The following DLG2 variants were observed in gnomAD, a reference collection of about 807,000 sequenced individuals.
DLG2 encodes the protein discs large MAGUK scaffold protein 2.
A neutral mutation model predicts 132.5 loss-of-function variants in DLG2; 45 were observed. The ratio of observed to expected loss-of-function variants is 0.34; its 90% CI spans 0.27 to 0.44. DLG2 has a LOEUF of 0.44. Ranked by LOEUF, DLG2 falls within the 20% of genes least tolerant of loss-of-function variation. DLG2 has a pLI of 1.00. For synonymous variants in DLG2, 424 were observed against 419.6 expected (o/e 1.01, Z -0.13); for missense variants, 1,045 against 1,196.9 (o/e 0.87, Z 1.87).
At chr11:84,714,574 TC>T (rs2060859705) in intron 6 of DLG2, among the ~76,000 whole-genome samples, 1 of 130,946 alleles carries the variant, frequency 7.6e-6, no homozygotes, top group Admixed American at 7.5e-5. Flanking sequence ...TTTCTCTTTC[TC>T]TTTCTCTTTC....
intron 19 of DLG2, among the ~76,000 whole-genome samples, chr11:83,593,752 T>C (rs2097235526): frequency 6.6e-6 from 1 of 151,680 alleles, no homozygotes; most frequent in Non-Finnish European, 1.5e-5. Context: ...AAGTATGAAG[T>C]TGATATTTGT....
At chr11:83,660,897 T>TC (rs2074090141) in intron 18 of DLG2, among the ~76,000 whole-genome samples, 1 of 151,898 alleles carries the variant, frequency 6.6e-6, no homozygotes, top group Non-Finnish European at 1.5e-5. Context: ...TTCTTCTGAC[T>TC]CCCCCCATAA....
At chr11:83,731,128 CT>C (rs1566739582) in intron 18 of DLG2, among the ~76,000 whole-genome samples, 1 of 152,260 alleles carries the variant, frequency 6.6e-6, no homozygotes, top group Non-Finnish European at 1.5e-5. Flanking sequence ...AGTTCTCTTT[CT>C]TTTTTTCTTT....
At chr11:84,203,657 T>C (rs1392163374) in intron 8 of DLG2, among the ~76,000 whole-genome samples, 1 of 148,026 alleles carries the variant, frequency 6.8e-6, no homozygotes, top group African/African-American at 2.5e-5. Flanking sequence ...GCCATTAACC[T>C]CAGCAGTCTA....
rs1026843441 is a variant in DLG2, at chr11:85,333,253, G to A, written c.41-47888C>T. On this transcript the variant is annotated intron_variant, in intron 3 of 27. Transcript: ENST00000376104. ...TTGGCTCTCAGCTTAGATGATAGTG[G>A]TATATAGAAATGCTACTAATTCCTG... Among the ~76,000 whole-genome samples the A allele has an allele frequency of 6.6e-5, 10 of 152,206 alleles. No homozygotes were observed. In the East Asian group the frequency reaches 1.9e-3, roughly 29 times the overall value.
chr11:85,158,531 A>G (rs2077766794), intron 4 of DLG2, among the ~76,000 whole-genome samples: 1 of 152,140 alleles, frequency 6.6e-6, no homozygotes, highest in Admixed American at 6.5e-5. Context: ...ATGCCTTACA[A>G]AATAGATTTG....
intron 4 of DLG2, among the ~76,000 whole-genome samples, chr11:85,157,486 C>A (rs192912508): frequency 6.6e-6 from 1 of 151,890 alleles, no homozygotes; most frequent in South Asian, 2.1e-4. Flanking sequence ...ATTCACCATT[C>A]GTGAGAGGCA....
intron 6 of DLG2, among the ~76,000 whole-genome samples, chr11:84,882,318 C>CA (rs141070055): frequency 0.081 from 12,160 of 150,492 alleles, 1,050 homozygotes; most frequent in African/African-American, 0.22. Flanking sequence ...AAACAAAAGG[C>CA]AAAAAAGAAA....
intron 11 of DLG2, among the ~76,000 whole-genome samples, chr11:84,058,506 CAATAATAAT>C (rs900276483): frequency 5.5e-5 from 7 of 128,160 alleles, no homozygotes; most frequent in South Asian, 2.3e-4. Context: ...AAAACAAATA[CAATAATAAT>C]AATAATAATA....
chr11:84,282,410 G>T (rs1294701842), intron 7 of DLG2, among the ~76,000 whole-genome samples: 2 of 152,112 alleles, frequency 1.3e-5, no homozygotes, highest in Admixed American at 6.5e-5. Flanking sequence ...AGTCTGGAGA[G>T]ATTACAAAAA....
chr11:84,149,520 T>C (rs2095219771), intron 9 of DLG2, among the ~76,000 whole-genome samples: 1 of 152,174 alleles, frequency 6.6e-6, no homozygotes, highest in African/African-American at 2.4e-5. Context: ...AATGATCAGA[T>C]GGCTTTAGGT....
At chr11:84,051,336 G>T (rs1464382570) in intron 11 of DLG2, among the ~76,000 whole-genome samples, 1 of 151,894 alleles carries the variant, frequency 6.6e-6, no homozygotes, top group East Asian at 1.9e-4. Context: ...TATGTTTATT[G>T]TGGCACTATT....
chr11:83,672,359 T>C (rs982170994), intron 18 of DLG2, among the ~76,000 whole-genome samples: 2 of 152,208 alleles, frequency 1.3e-5, no homozygotes, highest in African/African-American at 4.8e-5. Flanking sequence ...GTACTTTTAG[T>C]AGATACAGGG....
At chr11:85,569,454 C>T (rs1191911423) in intron 3 of DLG2, among the ~76,000 whole-genome samples, 1 of 152,112 alleles carries the variant, frequency 6.6e-6, no homozygotes, top group African/African-American at 2.4e-5. Flanking sequence ...TCTAATTTCA[C>T]TTGTAAATTC....
intron 19 of DLG2, among the ~76,000 whole-genome samples, chr11:83,548,927 G>A (rs1279164879): frequency 6.6e-6 from 1 of 152,068 alleles, no homozygotes; most frequent in Non-Finnish European, 1.5e-5. Context: ...AACATCAGGA[G>A]CTCCCAGACC....
chr11:84,622,914 T>G (rs765212324), intron 6 of DLG2, among the ~76,000 whole-genome samples: 1 of 152,134 alleles, frequency 6.6e-6, no homozygotes, highest in East Asian at 1.9e-4. Context: ...TGCTGGAGAT[T>G]TGAGAGATAA....
At chr11:84,500,604 CT>C (rs2099201330) in intron 7 of DLG2, among the ~76,000 whole-genome samples, 1 of 152,142 alleles carries the variant, frequency 6.6e-6, no homozygotes, top group South Asian at 2.1e-4. Flanking sequence ...CCTAAATTCA[CT>C]TTGCCTAAGG....
rs1017680570 is a variant in DLG2 at position 84,868,162 on chromosome 11, T to G, written c.357+243499A>C. On this transcript the variant is annotated intron_variant, in intron 6 of 27. Coordinates refer to ENST00000376104, the MANE Select transcript of DLG2 (RefSeq NM_001142699.3). ...TTTATTATTATATTTATTAATATAT[T>G]ATATTATTATTATTATTGTTATGGA... Among the ~76,000 whole-genome samples, 2 of 147,642 alleles carry G rather than the reference T, an allele frequency of 1.4e-5. 1 individual carries two copies. The highest frequency in any genetic ancestry group is 7.2e-3 in the Middle Eastern group (2 of 278).
chr11:84,587,166 T>C (rs1593028394), intron 6 of DLG2, among the ~76,000 whole-genome samples: 1 of 152,210 alleles, frequency 6.6e-6, no homozygotes, highest in Non-Finnish European at 1.5e-5. Flanking sequence ...CTTTCAGCTA[T>C]TGTGATTAGA....
Sources: allele counts gnomAD v4.1 joint callset (sites outside exome capture counted in the v4.1 genomes callset), GRCh38; gene constraint gnomAD v4.1.1; transcripts MANE v1.5; gene names NCBI Gene and HGNC (gene_info 2026-07-23, HGNC 2026-07-21).